Variants in PCDHGA5 observed in about 807,000 individuals in gnomAD.
PCDHGA5 encodes the protein protocadherin gamma-A5.
In PCDHGA5, 36 loss-of-function variants were observed where a neutral mutation model predicts 56.7. The observed-to-expected ratio is 0.64, with a 90% CI of 0.49 to 0.84. PCDHGA5 has a LOEUF of 0.84. Among genes scored for constraint, PCDHGA5 ranks in the 40% least tolerant of loss-of-function variants. The pLI is 0.00. For missense variants in PCDHGA5, 1,305 were observed against 1,201.5 expected, an observed-to-expected ratio of 1.09 and a Z score of -1.27; for synonymous variants, 563 against 520.2, an observed-to-expected ratio of 1.08 and a Z score of -1.12.
intron 2 of PCDHGA5, among the ~76,000 whole-genome samples, chr5:141,499,780 G>A (rs776654854): frequency 1.4e-5 from 2 of 145,766 alleles, no homozygotes; most frequent in Non-Finnish European, 3.0e-5. Flanking sequence ...TTCGCCTCCC[G>A]GGTTCAAGCA....
At chr5:141,425,296 T>A (rs1283179158) in intron 1 of PCDHGA5, among the ~76,000 whole-genome samples, 1 of 152,194 alleles carries the variant, frequency 6.6e-6, no homozygotes, top group Non-Finnish European at 1.5e-5. Flanking sequence ...TAAAACCTCA[T>A]CTAAACTAAC....
chr5:141,422,795 A>G lies in PCDHGA5; in HGVS notation c.2421+56044A>G, dbSNP rs543001807. ...CTCTATGCCCTACAATCCTTCGACTATGAGCAGTTTCGAGACTTAGAACTG... is the reference window on the plus strand; with the variant it reads ...CTCTATGCCCTACAATCCTTCGACTGTGAGCAGTTTCGAGACTTAGAACTG... On this transcript the variant is annotated intron_variant, in intron 1 of 3. Transcript: ENST00000518069. 14 of 1,614,198 alleles carry G rather than the reference A, an allele frequency of 8.7e-6. No homozygotes were observed. In the East Asian group the frequency reaches 1.8e-4, roughly 21 times the overall value.
intron 1 of PCDHGA5, chr5:141,392,738 T>C (rs2150490352): frequency 4.2e-6 from 6 of 1,433,676 alleles, no homozygotes; most frequent in Non-Finnish European, 5.5e-6. Flanking sequence ...GTCATCTCCA[T>C]AGCTGCGGCA....
intron 1 of PCDHGA5, among the ~76,000 whole-genome samples, chr5:141,434,049 A>G (rs868088310): frequency 2.0e-5 from 3 of 152,116 alleles, no homozygotes; most frequent in Non-Finnish European, 2.9e-5. Flanking sequence ...ATTTTATTCA[A>G]TGGCCTGTAA....
intron 1 of PCDHGA5, among the ~76,000 whole-genome samples, chr5:141,492,118 TC>T (rs1338861093): frequency 6.6e-6 from 1 of 152,176 alleles, no homozygotes; most frequent in Non-Finnish European, 1.5e-5. Flanking sequence ...CTTCGATTTC[TC>T]CCCAGCTCCC....
rs546603908 is a variant in PCDHGA5, at chr5:141,408,104, C to G, written c.2421+41353C>G. ...ACAGCGGATTGCCAGCTCCGAGACCCGGGACTCCTCCTGTCCTGGGCCGAA... is the reference window on the plus strand; with the variant it reads ...ACAGCGGATTGCCAGCTCCGAGACCGGGGACTCCTCCTGTCCTGGGCCGAA... On this transcript the variant is annotated intron_variant, in intron 1 of 3. Coordinates refer to ENST00000518069, the MANE Select transcript of PCDHGA5 (RefSeq NM_018918.3). The G allele has an allele frequency of 2.8e-3, 4,048 of 1,441,886 alleles. 13 individuals carry two copies. Among genetic ancestry groups the G allele is most frequent in the Admixed American group, 6.6e-3 (242 of 36,606 alleles). 89.3% of individuals were successfully genotyped at this position (1,441,886 alleles called of 1,614,324 possible). A position where few individuals can be genotyped will look rare whatever the true frequency, so the allele number is the denominator to read the frequency against.
intron 1 of PCDHGA5, among the ~76,000 whole-genome samples, chr5:141,381,798 C>CTCTTCCTTTCTT (rs1777449069): frequency 6.9e-6 from 1 of 144,134 alleles, no homozygotes; most frequent in African/African-American, 2.7e-5. Flanking sequence ...AGGCAATTCC[C>CTCTTCCTTTCTT]TCTTTCTTTC....
chr5:141,365,539 C>T lies in PCDHGA5; in HGVS notation c.1209C>T (p.His403=). The T allele has an allele frequency of 6.2e-7, 1 of 1,613,718 alleles. No homozygotes were observed. The highest frequency in any genetic ancestry group is 8.5e-7 in the Non-Finnish European group (1 of 1,179,832). The change falls in exon 1 of 4, where the codon CAC becomes CAT. Residue 403 remains histidine, a synonymous_variant. Transcript: ENST00000518069. ...KLEKSVDNYY[H]LLTTRDLDRE... ...AGAAGTCAGTTGATAATTACTATCACCTATTAACAACTAGGGACCTGGACA... is the reference window on the plus strand; with the variant it reads ...AGAAGTCAGTTGATAATTACTATCATCTATTAACAACTAGGGACCTGGACA...
intron 1 of PCDHGA5, chr5:141,410,538 T>TG (rs768720792): frequency 8.1e-6 from 13 of 1,613,830 alleles, no homozygotes; most frequent in Non-Finnish European, 1.1e-5. Flanking sequence ...AATGAAGACA[T>TG]GGTTTGCAGT....
At chr5:141,372,123 A>G (rs1435565099) in intron 1 of PCDHGA5, 3 of 1,613,632 alleles carry the variant, frequency 1.9e-6, no homozygotes, top group Non-Finnish European at 2.5e-6. Context: ...GCTCTTCGAT[A>G]TGGTGCCGCG....
intron 1 of PCDHGA5, among the ~76,000 whole-genome samples, chr5:141,444,872 G>T (rs2098449555): frequency 6.6e-6 from 1 of 152,120 alleles, no homozygotes. Context: ...ACAGGACAAA[G>T]CTTGTAGGAT....
At chr5:141,370,462 C>G in intron 1 of PCDHGA5, 12 of 1,612,864 alleles carry the variant, frequency 7.4e-6, no homozygotes, top group Non-Finnish European at 8.5e-6. Context: ...TTCCTGCTCT[C>G]TTTGTTAGAC....
intron 1 of PCDHGA5, among the ~76,000 whole-genome samples, chr5:141,461,314 T>A (rs1453512629): frequency 6.6e-6 from 1 of 152,198 alleles, no homozygotes; most frequent in Non-Finnish European, 1.5e-5. Context: ...TTTTTTGACT[T>A]TTTAATAATG....
chr5:141,399,527 T>C lies in PCDHGA5; in HGVS notation c.2421+32776T>C, dbSNP rs781680585. ...GAAAACAACCCTCCTGGGGCCTCCA[T>C]CGCGCAAGTCTGCGCCTCGGACCTG... is the stretch of plus-strand genomic sequence containing the variant. On this transcript the variant is annotated intron_variant, in intron 1 of 3. Transcript: ENST00000518069. The C allele has an allele frequency of 1.4e-4, 229 of 1,613,898 alleles. No homozygotes were observed. The highest frequency in any genetic ancestry group is 1.9e-4 in the Non-Finnish European group (225 of 1,179,892).
chr5:141,433,742 C>G (rs927651405), intron 1 of PCDHGA5, among the ~76,000 whole-genome samples: 1 of 150,826 alleles, frequency 6.6e-6, no homozygotes, highest in Non-Finnish European at 1.5e-5. Flanking sequence ...GAGGCTGAGT[C>G]AGGAGAATTG....
In PCDHGA5 at chr5:141,486,172, T is replaced by C; in HGVS notation, c.2422-8635T>C. ...GGGGTTCTCCAGCCATGGAGCAACA[T>C]TGCAGCCTTCGAGTGGATCTGCTGG... On this transcript the variant is annotated intron_variant, in intron 1 of 3. Transcript: ENST00000518069. The surrounding 1 kb of genome is among the most constrained non-coding windows in gnomAD (Gnocchi z 5.0). 3 of 1,614,212 alleles carry C rather than the reference T, an allele frequency of 1.9e-6. No homozygotes were observed. Among genetic ancestry groups the C allele is most frequent in the Admixed American group, 1.7e-5 (1 of 60,036 alleles).
intron 1 of PCDHGA5, among the ~76,000 whole-genome samples, chr5:141,453,101 T>TTTTTG (rs879618609): frequency 3.2e-4 from 49 of 152,130 alleles, no homozygotes; most frequent in Middle Eastern, 6.8e-3. Flanking sequence ...TTCTGTTGCT[T>TTTTTG]TTTTGTTTTG....
intron 1 of PCDHGA5, chr5:141,395,043 G>A: frequency 6.2e-7 from 1 of 1,614,150 alleles, no homozygotes. Flanking sequence ...TGTGGGTGTT[G>A]AGGAGGTACA....
intron 1 of PCDHGA5, among the ~76,000 whole-genome samples, chr5:141,453,679 T>C (rs960698192): frequency 2.0e-5 from 3 of 152,230 alleles, no homozygotes; most frequent in Non-Finnish European, 2.9e-5. Context: ...GGTAACACAC[T>C]ATGTAGGTAG....
Sources: gnomAD v4.1 joint callset for allele counts (sites outside exome capture counted in the v4.1 genomes callset) on GRCh38, gnomAD v4.1.1 for gene constraint, Gnocchi (gnomAD v3.1) non-coding constraint, MANE v1.5 for transcripts, NCBI Gene and HGNC (gene_info 2026-07-23, HGNC 2026-07-21) for gene names.